The following WAS variants were observed in gnomAD, a reference collection of about 807,000 sequenced individuals.
WAS encodes the protein actin nucleation-promoting factor WAS.
Under a neutral mutation model 38.9 loss-of-function variants are expected in WAS, and 1 was observed. The observed-to-expected ratio is 0.03, with a 90% CI of 0.01 to 0.12. The LOEUF (loss-of-function observed/expected upper bound fraction) is 0.12, where lower values mean the gene tolerates loss of function less well. WAS is among the 10% of genes least tolerant of loss of function. The pLI is 1.00. For synonymous variants in WAS, 182 were observed against 173.6 expected, an observed-to-expected ratio of 1.05 and a Z score of -0.38; for missense variants, 311 against 431.2, an observed-to-expected ratio of 0.72 and a Z score of 2.47.
At position 48,686,053 on chromosome X, in the gene WAS, T is replaced by C. The variant is rs2062418665; in HGVS notation, c.506-28T>C. 3 of 1,210,021 alleles carry C rather than the reference T, an allele frequency of 2.5e-6. No homozygotes were observed. The African/African-American group carries it at 5.2e-5, about 21-fold the overall frequency. ...CCAGGAACCTGTGGCAGGGCTGTGA[T>C]AACTCTCTACACATTCCATCTTCCC... On this transcript the variant is annotated intron_variant, in intron 5 of 11. Coordinates refer to ENST00000376701, the MANE Select transcript of WAS (RefSeq NM_000377.3).
chrX:48,679,911 T>C (rs925497401), upstream of WAS, among the ~76,000 whole-genome samples: 1 of 112,619 alleles, frequency 8.9e-6, no homozygotes, highest in Non-Finnish European at 1.9e-5. Flanking sequence ...CCGAATTCTT[T>C]CTTGTGTGAG....
intron 11 of WAS, 127 bp downstream of exon 11, chrX:48,689,561 G>GGCACTCTCCTCAGTCC: frequency 1.7e-6 from 1 of 573,778 alleles, no homozygotes; most frequent in Non-Finnish European, 2.9e-6. Flanking sequence ...CATGAATCTT[G>GGCACTCTCCTCAGTCC]TGTCAGCCTC....
upstream of WAS, among the ~76,000 whole-genome samples, chrX:48,682,269 G>A (rs1326445621): frequency 8.9e-6 from 1 of 112,076 alleles, no homozygotes; most frequent in Non-Finnish European, 1.9e-5. Context: ...GGCTGCACAT[G>A]CACACCATGG....
chrX:48,685,394 T>G (rs2062415612), intron 2 of WAS, among the ~76,000 whole-genome samples, 153 bp from the exon 3 acceptor site: 2 of 111,535 alleles, frequency 1.8e-5, no homozygotes, highest in Non-Finnish European at 3.8e-5. Flanking sequence ...TCCACACCCT[T>G]AGACACCAAC....
At position 48,691,387 on chromosome X, in the gene WAS, T is replaced by A. The variant is rs782387981; in HGVS notation, c.*225T>A. On this transcript the variant is annotated 3_prime_UTR_variant, in exon 12 of 12. Transcript: ENST00000376701. ...TCAGTTCTCTTCACTCAAGGATTTT[T>A]AAAGAAAAATAAAAGAATTGTCTTT... The A allele has an allele frequency of 2.4e-6, 1 of 422,524 alleles. No homozygotes were observed. The highest frequency in any genetic ancestry group is 4.1e-6 in the Non-Finnish European group (1 of 242,583). The allele number at this position is 422,524 out of a possible 1,213,427, so 34.8% of individuals were successfully genotyped here. A position where few individuals can be genotyped will look rare whatever the true frequency, so the allele number is the denominator to read the frequency against.
upstream of WAS, among the ~76,000 whole-genome samples, chrX:48,680,100 G>C (rs1352568267): frequency 9.0e-6 from 1 of 111,478 alleles, no homozygotes; most frequent in African/African-American, 3.3e-5. Flanking sequence ...GACCTGTGAC[G>C]GCTCCTCAGA....
chrX:48,683,337 C>A (rs782567663), upstream of WAS: 1 of 113,033 alleles, frequency 8.8e-6, no homozygotes, highest in East Asian at 2.8e-4. Flanking sequence ...CCACTCGTCT[C>A]GGCCTCCCAA....
At chrX:48,690,955 A>G (rs1253045762) in intron 11 of WAS, 152 bp from the exon 12 acceptor site, 2 of 525,611 alleles carry the variant, frequency 3.8e-6, no homozygotes, top group Non-Finnish European at 3.4e-6. Flanking sequence ...TCAGACCCCA[A>G]CTATAATCCC....
In WAS at chrX:48,688,356, G is replaced by A; in HGVS notation, c.834G>A (p.Glu278=). ...RSLFSRAGIS[E]AQLTDAETSK... is the part of the protein sequence containing the mutation. Reference sequence around the variant, plus strand: ...TGTTCTCCAGGGCAGGAATCAGCGAGGCCCAGCTCACCGACGCCGAGACCT... The same window carrying A: ...TGTTCTCCAGGGCAGGAATCAGCGAAGCCCAGCTCACCGACGCCGAGACCT... The change falls in exon 9 of 12, where the codon GAG becomes GAA. Residue 278 remains glutamate (E), a synonymous_variant. Transcript: ENST00000376701. 1 of 1,209,745 alleles carries A rather than the reference G, an allele frequency of 8.3e-7. No individual in the cohort carries two copies. Among genetic ancestry groups the A allele is most frequent in the South Asian group, 1.8e-5 (1 of 56,421 alleles).
intron 8 of WAS, 69 bp from the exon 9 acceptor site, chrX:48,688,231 C>A (rs1234858468): frequency 1.7e-6 from 2 of 1,164,733 alleles, no homozygotes; most frequent in Non-Finnish European, 2.3e-6. Context: ...GACCCAACGA[C>A]AATCCATGTC....
Position 48,684,005 on chromosome X carries a change from C to A in WAS, c.132+20C>A. ...TGCTTGGTGAGCTGGGGATCTCCTG[C>A]CCCCGCCCCGTCCCCACCGTTTCTT... On this transcript the variant is annotated intron_variant, in intron 1 of 11. Coordinates refer to ENST00000376701, the MANE Select transcript of WAS (RefSeq NM_000377.3). 1 of 1,209,550 alleles carries A rather than the reference C, an allele frequency of 8.3e-7. No individual in the cohort carries two copies. The highest frequency in any genetic ancestry group is 3.0e-5 in the East Asian group (1 of 33,806).
At chrX:48,684,493 T>C in intron 2 of WAS, 70 bp downstream of exon 2, 1 of 1,145,485 alleles carries the variant, frequency 8.7e-7, no homozygotes, top group South Asian at 1.9e-5. Context: ...TGTGTCCATA[T>C]GTGTCCATAG....
intron 1 of WAS, among the ~76,000 whole-genome samples, chrX:48,678,414 T>C (rs371815112): frequency 1.8e-5 from 2 of 111,488 alleles, no homozygotes; most frequent in East Asian, 5.6e-4. Flanking sequence ...CCATGTCTTA[T>C]TACCTACTCT....
At position 48,686,791 on chromosome X, in the gene WAS, G is replaced by A; in HGVS notation, c.570G>A (p.Val190=). 8.3e-7 allele frequency: 1 copy of A among 1,211,370 alleles called. No individual in the cohort carries two copies. The highest frequency in any genetic ancestry group is 2.2e-5 in the Admixed American group (1 of 46,080). Residue 190 remains valine (V), a synonymous_variant, in exon 7 of 12, where the codon GTG becomes GTA. Transcript: ENST00000376701. ...CTATTTTCCCCACAGGCCCTCCAGTGGGTCCGCTCTCCCTGGGGCTGGCGA... is the reference window on the plus strand; with the variant it reads ...CTATTTTCCCCACAGGCCCTCCAGTAGGTCCGCTCTCCCTGGGGCTGGCGA... ...HPGGDQGGPP[V]GPLSLGLATV...
At chrX:48,682,144 C>A (rs926495947), upstream of WAS, among the ~76,000 whole-genome samples, 13 of 112,218 alleles carry the variant, frequency 1.2e-4, no homozygotes, top group African/African-American at 3.2e-4. Flanking sequence ...GTCTGAGAGT[C>A]TGCATGCCTA....
At chrX:48,685,324 C>T (rs1305630047) in intron 2 of WAS, among the ~76,000 whole-genome samples, 3 of 110,903 alleles carry the variant, frequency 2.7e-5, no homozygotes, top group African/African-American at 9.9e-5. Flanking sequence ...GATCTAGGGC[C>T]CCAAACCCCA....
chrX:48,679,426 A>T (rs1337816245), upstream of WAS, among the ~76,000 whole-genome samples: 2 of 112,350 alleles, frequency 1.8e-5, no homozygotes, highest in Admixed American at 9.5e-5. Context: ...ATACAACTTT[A>T]AAAAATTCAT....
upstream of WAS, among the ~76,000 whole-genome samples, chrX:48,680,448 T>C (rs1306247988): frequency 9.0e-6 from 1 of 110,559 alleles, no homozygotes; most frequent in Non-Finnish European, 1.9e-5. Flanking sequence ...CAGGATGAGA[T>C]AGGAGGTCAG....
intron 1 of WAS, 72 bp from the exon 2 acceptor site, chrX:48,684,211 G>T: frequency 8.4e-7 from 1 of 1,197,285 alleles, no homozygotes; most frequent in South Asian, 1.8e-5. Context: ...AGGCAGGAAG[G>T]ACCAGGTCTG....
Sources: allele counts gnomAD v4.1 joint callset (sites outside exome capture counted in the v4.1 genomes callset), GRCh38; gene constraint gnomAD v4.1.1; transcripts MANE v1.5; gene names NCBI Gene and HGNC (gene_info 2026-07-23, HGNC 2026-07-21).